FNDC3B: variants seen among roughly 807,000 people sequenced by gnomAD.
The protein encoded by FNDC3B is fibronectin type III domain-containing protein 3B.
A neutral mutation model predicts 151.5 loss-of-function variants in FNDC3B; 12 were observed. That is an observed-to-expected ratio of 0.08 (90% CI 0.05 to 0.13). The LOEUF (loss-of-function observed/expected upper bound fraction) is 0.13. Among genes scored for constraint, FNDC3B ranks in the 10% least tolerant of loss-of-function variants. The pLI is 1.00. For synonymous variants in FNDC3B, 528 were observed against 549.0 expected (o/e 0.96, Z 0.54); for missense variants, 1,214 against 1,505.3 (o/e 0.81, Z 3.20).
intron 1 of FNDC3B, among the ~76,000 whole-genome samples, chr3:172,083,183 A>G (rs2108501156): frequency 6.6e-6 from 1 of 152,288 alleles, no homozygotes; most frequent in Non-Finnish European, 1.5e-5. Context: ...ATGCTGGGAG[A>G]AGACAAGGGG....
At chr3:172,084,945 T>C (rs1021119168) in intron 1 of FNDC3B, among the ~76,000 whole-genome samples, 16 of 152,240 alleles carry the variant, frequency 1.1e-4, no homozygotes, top group African/African-American at 3.9e-4. Flanking sequence ...TTTCTTTTTT[T>C]GTCTTGGGCA....
At chr3:172,280,354 G>T (rs551175371) in intron 6 of FNDC3B, among the ~76,000 whole-genome samples, 1 of 152,214 alleles carries the variant, frequency 6.6e-6, no homozygotes, top group South Asian at 2.1e-4. Context: ...ATTTATTTCT[G>T]TTTCTTTTTT....
chr3:172,285,630 T>C (rs1184661584), intron 6 of FNDC3B, among the ~76,000 whole-genome samples: 1 of 152,206 alleles, frequency 6.6e-6, no homozygotes, highest in Non-Finnish European at 1.5e-5. Context: ...TTAGGACCCT[T>C]TATTCTCTGT....
At chr3:172,114,453 T>A (rs980454109) in intron 2 of FNDC3B, among the ~76,000 whole-genome samples, 2 of 152,254 alleles carry the variant, frequency 1.3e-5, no homozygotes, top group Non-Finnish European at 2.9e-5. Context: ...CATGTTGTTG[T>A]ACACCATGTT....
chr3:172,273,370 A>G (rs1402674238), intron 6 of FNDC3B, among the ~76,000 whole-genome samples: 2 of 152,174 alleles, frequency 1.3e-5, no homozygotes, highest in East Asian at 1.9e-4. Context: ...GTCATAGAAA[A>G]AAAGTCCCCT....
intron 5 of FNDC3B, among the ~76,000 whole-genome samples, chr3:172,249,200 G>A (rs2108773268): frequency 6.6e-6 from 1 of 152,272 alleles, no homozygotes; most frequent in South Asian, 2.1e-4. Context: ...CTGATGACAT[G>A]AAAGGCCTTG....
chr3:172,304,350 T>C (rs1028182679), intron 9 of FNDC3B, among the ~76,000 whole-genome samples: 3 of 152,218 alleles, frequency 2.0e-5, no homozygotes, highest in African/African-American at 2.4e-5. Context: ...TGGGAACATA[T>C]AGGACCTGAT....
intron 1 of FNDC3B, among the ~76,000 whole-genome samples, chr3:172,052,169 C>T (rs1191563670): frequency 1.2e-4 from 18 of 151,118 alleles, no homozygotes; most frequent in African/African-American, 4.4e-4. Flanking sequence ...ACTGCAGCCT[C>T]CGCCTCCTGG....
At chr3:172,062,031 G>A (rs532520815) in intron 1 of FNDC3B, among the ~76,000 whole-genome samples, 28 of 152,258 alleles carry the variant, frequency 1.8e-4, no homozygotes, top group African/African-American at 6.3e-4. Context: ...GAAGTTACGT[G>A]AGGTAATCAT....
intron 1 of FNDC3B, among the ~76,000 whole-genome samples, chr3:172,064,545 T>C (rs925151266): frequency 6.6e-5 from 10 of 152,218 alleles, no homozygotes; most frequent in African/African-American, 2.4e-4. Context: ...TTCAGGTTGT[T>C]CAGTTTTAAA....
At chr3:172,075,766 CAA>C (rs1256236934) in intron 1 of FNDC3B, among the ~76,000 whole-genome samples, 1 of 130,958 alleles carries the variant, frequency 7.6e-6, no homozygotes, top group Non-Finnish European at 1.7e-5. Context: ...CACACACACA[CAA>C]ACATTTATAT....
At chr3:172,351,763 G>A (rs1023411125) in intron 21 of FNDC3B, among the ~76,000 whole-genome samples, 5 of 152,154 alleles carry the variant, frequency 3.3e-5, no homozygotes, top group Admixed American at 2.0e-4. Flanking sequence ...GAGGAAGAAA[G>A]GTGTCCAGAG....
At chr3:172,333,401 A>T (rs911990247) in intron 14 of FNDC3B, among the ~76,000 whole-genome samples, 1 of 151,940 alleles carries the variant, frequency 6.6e-6, no homozygotes, top group Admixed American at 6.6e-5. Context: ...GGCTCACTGC[A>T]ACCTCTGCCT....
chr3:172,078,626 C>T (rs1718137815), intron 1 of FNDC3B, among the ~76,000 whole-genome samples: 1 of 152,182 alleles, frequency 6.6e-6, no homozygotes, highest in South Asian at 2.1e-4. Flanking sequence ...TTGAAATGAG[C>T]AGTAGGCTGA....
intron 21 of FNDC3B, 128 bp downstream of exon 21, chr3:172,347,489 TAAATAA>T: frequency 1.7e-6 from 1 of 584,588 alleles, no homozygotes; most frequent in Non-Finnish European, 2.7e-6. Flanking sequence ...AGAGTCCATT[TAAATAA>T]AAATATATTT....
At chr3:172,310,947 G>A in intron 11 of FNDC3B, 66 bp downstream of exon 11, 1 of 1,102,068 alleles carries the variant, frequency 9.1e-7, no homozygotes, top group Non-Finnish European at 1.4e-6. Flanking sequence ...CTGAACAAAT[G>A]CCATCTTATT....
intron 4 of FNDC3B, among the ~76,000 whole-genome samples, chr3:172,234,302 A>G (rs1727030240): frequency 6.6e-6 from 1 of 152,210 alleles, no homozygotes; most frequent in Admixed American, 6.5e-5. Flanking sequence ...ATTTAAGTCC[A>G]CAAAGGCAGG....
At chr3:172,376,740 A>G (rs911967432) in intron 23 of FNDC3B, among the ~76,000 whole-genome samples, 1 of 152,116 alleles carries the variant, frequency 6.6e-6, no homozygotes, top group Non-Finnish European at 1.5e-5. Context: ...AGCAAAGCAG[A>G]CAGAACACTA....
At chr3:172,146,814 C>T (rs1297867772) in intron 3 of FNDC3B, among the ~76,000 whole-genome samples, 1 of 152,174 alleles carries the variant, frequency 6.6e-6, no homozygotes, top group Non-Finnish European at 1.5e-5. Flanking sequence ...TGGTTATAAG[C>T]TTCTAAGTAA....
Sources: allele counts gnomAD v4.1 joint callset (sites outside exome capture counted in the v4.1 genomes callset), GRCh38; gene constraint gnomAD v4.1.1; transcripts MANE v1.5; gene names NCBI Gene and HGNC (gene_info 2026-07-23, HGNC 2026-07-21).